SLC35F2: variants seen among roughly 807,000 people sequenced by gnomAD.
The protein encoded by SLC35F2 is solute carrier family 35 member F2.
Under a neutral mutation model 38.1 loss-of-function variants are expected in SLC35F2, and 25 were observed. The observed-to-expected ratio is 0.66, with a 90% CI of 0.48 to 0.92. The LOEUF (loss-of-function observed/expected upper bound fraction) is 0.92, where lower values mean the gene tolerates loss of function less well. Ranked by LOEUF, SLC35F2 falls within the 40% of genes least tolerant of loss-of-function variation. The pLI is 0.00. For synonymous variants in SLC35F2, 173 were observed against 181.7 expected (o/e 0.95, Z 0.38); for missense variants, 409 against 452.9 (o/e 0.90, Z 0.88).
At chr11:107,818,992 G>A (rs1163727853) in intron 1 of SLC35F2, among the ~76,000 whole-genome samples, 1 of 152,110 alleles carries the variant, frequency 6.6e-6, no homozygotes, top group East Asian at 1.9e-4. Context: ...AAAAAGTGGG[G>A]GGGTGGTTAT....
At chr11:107,825,411 G>A (rs1354029506) in intron 1 of SLC35F2, among the ~76,000 whole-genome samples, 1 of 125,452 alleles carries the variant, frequency 8.0e-6, no homozygotes, top group Admixed American at 9.5e-5. Context: ...TCGATCTGTT[G>A]CCCAGGCTGG....
chr11:107,842,249 CCG>C (rs1860023065), intron 1 of SLC35F2, among the ~76,000 whole-genome samples: 2 of 14,608 alleles, frequency 1.4e-4, no homozygotes, highest in Non-Finnish European at 2.5e-4. Flanking sequence ...GAGTGAGACT[CCG>C]TCTCACAAAA....
At chr11:107,834,258 G>C (rs1859895624) in intron 1 of SLC35F2, among the ~76,000 whole-genome samples, 1 of 152,118 alleles carries the variant, frequency 6.6e-6, no homozygotes, top group Non-Finnish European at 1.5e-5. Flanking sequence ...TGATTAAAGA[G>C]ACAAACAGGG....
chr11:107,803,497 G>A (rs1859346694), intron 6 of SLC35F2: 2 of 984,986 alleles, frequency 2.0e-6, no homozygotes, highest in South Asian at 4.7e-5. Context: ...GCCAATAAAG[G>A]CAGAATCAAC....
intron 7 of SLC35F2, among the ~76,000 whole-genome samples, chr11:107,797,294 A>T (rs1379165727): frequency 6.6e-6 from 1 of 152,182 alleles, no homozygotes; most frequent in Non-Finnish European, 1.5e-5. Context: ...AGCAAAAAAC[A>T]GTAAGAAAAC....
intron 1 of SLC35F2, among the ~76,000 whole-genome samples, chr11:107,840,010 C>G (rs1859990815): frequency 6.6e-6 from 1 of 152,078 alleles, no homozygotes; most frequent in Non-Finnish European, 1.5e-5. Flanking sequence ...GAACTTAAGT[C>G]TATTGCCTAG....
chr11:107,809,677 A>C (rs1417312337), intron 3 of SLC35F2: 1 of 982,642 alleles, frequency 1.0e-6, no homozygotes, highest in African/African-American at 1.7e-5. Flanking sequence ...TCTCTGTTTC[A>C]GTTCGAAGAG....
At chr11:107,810,505 A>G (rs915491469) in intron 3 of SLC35F2, 2 of 985,018 alleles carry the variant, frequency 2.0e-6, no homozygotes, top group African/African-American at 3.5e-5. Context: ...ACTTATGTAT[A>G]CTTCATTAAC....
At chr11:107,843,846 TAAAAAAAAAAA>T (rs780744909) in intron 1 of SLC35F2, among the ~76,000 whole-genome samples, 26 of 45,184 alleles carry the variant, frequency 5.8e-4, no homozygotes, top group African/African-American at 1.5e-3. Flanking sequence ...CTCTGTATCT[TAAAAAAAAAAA>T]AAAAAAAAAA....
rs370424185 is a variant in SLC35F2 at position 107,800,177 on chromosome 11, T to C, written c.939+2824A>G. Among the ~76,000 whole-genome samples, 77 of 152,184 alleles carry C rather than the reference T, an allele frequency of 5.1e-4. No individual in the cohort carries two copies. The East Asian group carries it at 7.0e-3, about 14-fold the overall frequency. On this transcript the variant is annotated intron_variant, in intron 7 of 7. Transcript: ENST00000525815. ...TCCTGGGATTACAGGTATGAGCCAC[T>C]GCGCCCGGCCTGGCTTTTTTTTAAT...
At chr11:107,856,729 AG>A in intron 1 of SLC35F2, among the ~76,000 whole-genome samples, 2 of 133,038 alleles carry the variant, frequency 1.5e-5, no homozygotes, top group South Asian at 2.8e-4. Context: ...CTCCGTCAGG[AG>A]GGAGGGAGGG....
chr11:107,792,921 CT>C (rs1488219167), intron 7 of SLC35F2, 121 bp from the exon 8 acceptor site: 4 of 1,351,070 alleles, frequency 3.0e-6, no homozygotes, highest in Middle Eastern at 2.0e-4. Flanking sequence ...TTCTTTCTTT[CT>C]TTCTTTCTTT....
chr11:107,852,088 G>C (rs1285898568), intron 1 of SLC35F2, among the ~76,000 whole-genome samples: 1 of 152,122 alleles, frequency 6.6e-6, no homozygotes, highest in African/African-American at 2.4e-5. Context: ...AGAAAGCACA[G>C]GTGTATCCCA....
At chr11:107,854,779 C>A (rs1277688333) in intron 1 of SLC35F2, among the ~76,000 whole-genome samples, 1 of 152,196 alleles carries the variant, frequency 6.6e-6, no homozygotes, top group Non-Finnish European at 1.5e-5. Flanking sequence ...CCAATCTTCT[C>A]CCTGTATTTA....
chr11:107,816,052 A>ACACACT lies in SLC35F2; in HGVS notation c.111-88_111-87insAGTGTG, dbSNP rs1274330535. On this transcript the variant is annotated intron_variant, in intron 1 of 7. Coordinates refer to ENST00000525815, the MANE Select transcript of SLC35F2 (RefSeq NM_017515.5). Reference sequence around the variant, plus strand: ...CACACACACACACACACACACACACACTGCTAAACACAAAGGGAAATGCTA... The same window carrying ACACACT: ...CACACACACACACACACACACACACACACACTCTGCTAAACACAAAGGGAAATGCTA... 37 of 1,354,754 alleles carry ACACACT rather than the reference A, an allele frequency of 2.7e-5. No individual in the cohort carries two copies. The African/African-American group carries it at 5.0e-4, about 18-fold the overall frequency. The allele number at this position is 1,354,754 out of a possible 1,614,324, so 83.9% of individuals were successfully genotyped here.
chr11:107,816,151 C>A (rs537067605), intron 1 of SLC35F2, 186 bp from the exon 2 acceptor site: 1 of 985,266 alleles, frequency 1.0e-6, no homozygotes, highest in Admixed American at 6.2e-5. Flanking sequence ...CATTTTTATT[C>A]TCTATTTTTC....
chr11:107,797,841 T>C (rs17107441), intron 7 of SLC35F2, among the ~76,000 whole-genome samples: 22,852 of 152,096 alleles, frequency 0.15, 2,776 homozygotes, highest in East Asian at 0.42. Flanking sequence ...CTACCACTGA[T>C]TTTCATTCTT....
At chr11:107,857,318 G>A (rs560615714) in intron 1 of SLC35F2, among the ~76,000 whole-genome samples, 2 of 144,694 alleles carry the variant, frequency 1.4e-5, no homozygotes, top group South Asian at 2.3e-4. Flanking sequence ...AAGGAGAGAG[G>A]GAAGGAAGGA....
intron 3 of SLC35F2, among the ~76,000 whole-genome samples, chr11:107,807,271 C>CAAAAAAA (rs201964530): frequency 0.026 from 1,859 of 70,712 alleles, 79 homozygotes; most frequent in African/African-American, 0.058. Flanking sequence ...CCTGTCTGTA[C>CAAAAAAA]AAAAAAAAAA....
Sources: allele counts gnomAD v4.1 joint callset (sites outside exome capture counted in the v4.1 genomes callset), GRCh38; gene constraint gnomAD v4.1.1; transcripts MANE v1.5; gene names NCBI Gene and HGNC (gene_info 2026-07-23, HGNC 2026-07-21).